TBC1D14: variants seen among roughly 807,000 people sequenced by gnomAD.
TBC1D14 encodes the protein TBC1 domain family member 14.
Under a neutral mutation model 79.0 loss-of-function variants are expected in TBC1D14, and 26 were observed. That is an observed-to-expected ratio of 0.33 (90% CI 0.24 to 0.46). The LOEUF (loss-of-function observed/expected upper bound fraction) is 0.46. TBC1D14 is among the 20% of genes least tolerant of loss of function. The pLI is 1.00. For missense variants in TBC1D14, 769 were observed against 887.6 expected (o/e 0.87, Z 1.70); for synonymous variants, 394 against 349.9 (o/e 1.13, Z -1.40).
chr4:6,921,445 G>A (rs1229448917), intron 1 of TBC1D14, among the ~76,000 whole-genome samples: 1 of 152,076 alleles, frequency 6.6e-6, no homozygotes, highest in African/African-American at 2.4e-5. Context: ...AGGCCGAAGC[G>A]ATCCTCCTGC....
intron 2 of TBC1D14, among the ~76,000 whole-genome samples, chr4:6,944,871 C>T (rs558205403): frequency 3.9e-5 from 6 of 152,302 alleles, no homozygotes; most frequent in African/African-American, 1.2e-4. Flanking sequence ...TCCGGGCATG[C>T]GTGCTCCTCT....
intron 1 of TBC1D14, among the ~76,000 whole-genome samples, chr4:6,912,023 G>T (rs550211028): frequency 3.3e-5 from 5 of 152,148 alleles, no homozygotes; most frequent in Non-Finnish European, 7.4e-5. Context: ...CGGCTCAAGC[G>T]ATTCTCCCGA....
At chr4:6,975,245 T>C (rs1386057239) in intron 3 of TBC1D14, among the ~76,000 whole-genome samples, 1 of 152,126 alleles carries the variant, frequency 6.6e-6, no homozygotes, top group Admixed American at 6.5e-5. Flanking sequence ...GGTCTTGCTC[T>C]GTCCCCCAGG....
intron 13 of TBC1D14, among the ~76,000 whole-genome samples, chr4:7,027,783 A>G (rs963695872): frequency 7.4e-6 from 1 of 134,416 alleles, no homozygotes; most frequent in African/African-American, 2.8e-5. Context: ...ACACATCCAT[A>G]CACAATCACC....
chr4:6,968,124 G>A (rs896025913), intron 3 of TBC1D14, among the ~76,000 whole-genome samples: 4 of 152,116 alleles, frequency 2.6e-5, no homozygotes, highest in African/African-American at 9.7e-5. Context: ...CAAGTGTCGC[G>A]ACATTGCCCC....
chr4:6,996,354 C>T lies in TBC1D14; in HGVS notation c.992C>T (p.Ala331Val), dbSNP rs1719043099. The T allele has an allele frequency of 1.2e-6, 2 of 1,613,688 alleles. No individual in the cohort carries two copies. The highest frequency in any genetic ancestry group is 1.7e-6 in the Non-Finnish European group (2 of 1,179,822). ...ANLPAKPAEEAQKHRQQYEEM... is the reference protein window; with the variant it reads ...ANLPAKPAEEVQKHRQQYEEM... ...CTCCCAGCAAAACCAGCTGAAGAAG[C>T]TCAGAAGCACAGACAGCAGTATGAA... The change falls in exon 5 of 14, where the codon GCT becomes GTT. Residue 331 changes from alanine to valine, a missense_variant. Transcript: ENST00000409757.
rs1022496554 is a variant in TBC1D14, at chr4:7,015,368, T to C, written c.1757+811T>C. Among the ~76,000 whole-genome samples the C allele has an allele frequency of 2.6e-5, 4 of 151,964 alleles. No homozygotes were observed. The East Asian group carries it at 7.8e-4, about 29-fold the overall frequency. ...AATCATGGTCAGCTCTTGACTGCGG[T>C]TGGGGAAGGGGTTTGCTGATGCCTT... On this transcript the variant is annotated intron_variant, in intron 12 of 13. Transcript: ENST00000409757.
chr4:6,996,662 C>T (rs1346865971), intron 5 of TBC1D14, among the ~76,000 whole-genome samples: 6 of 152,216 alleles, frequency 3.9e-5, no homozygotes. Context: ...GGTGAGACCG[C>T]AGGGTTTGCT....
intron 3 of TBC1D14, among the ~76,000 whole-genome samples, chr4:6,982,282 A>C (rs9790586): frequency 0.31 from 47,376 of 152,124 alleles, 7,538 homozygotes; most frequent in Admixed American, 0.35. Context: ...AATATGACTC[A>C]GTAATAAACA....
At chr4:7,007,444 A>G in intron 9 of TBC1D14, 1 of 827,018 alleles carries the variant, frequency 1.2e-6, no homozygotes, top group South Asian at 1.5e-5. Flanking sequence ...TCTTATCTAT[A>G]ACGGGTTTTT....
At chr4:7,019,286 C>T (rs1423300424) in intron 12 of TBC1D14, among the ~76,000 whole-genome samples, 1 of 152,176 alleles carries the variant, frequency 6.6e-6, no homozygotes, top group Non-Finnish European at 1.5e-5. Flanking sequence ...ACCCAAAGTG[C>T]TGGGATTACA....
At position 7,010,761 on chromosome 4, in the gene TBC1D14, T is replaced by G; in HGVS notation, c.1627T>G (p.Phe543Val). 1 of 1,613,936 alleles carries G rather than the reference T, an allele frequency of 6.2e-7. No homozygotes were observed. Among genetic ancestry groups the G allele is most frequent in the Non-Finnish European group, 8.5e-7 (1 of 1,179,926 alleles). ...LLNKPCQMAF[F>V]RVDHGLMLTY... is the part of the protein sequence containing the mutation. ...GAATAAACCCTGTCAAATGGCGTTT[T>G]TTAGAGTGGACCATGGCCTTGTGAG... The change falls in exon 11 of 14, where the codon TTT (phenylalanine) becomes GTT (valine). Residue 543 changes from phenylalanine (F) to valine (V), a missense_variant. This residue lies in a region of TBC1D14 where 367 missense variants were observed against 494.4 expected (regional missense o/e 0.74). Coordinates refer to ENST00000409757, the MANE Select transcript of TBC1D14 (RefSeq NM_020773.3).
intron 2 of TBC1D14, among the ~76,000 whole-genome samples, chr4:6,941,485 A>G (rs1346342568): frequency 6.6e-6 from 1 of 152,172 alleles, no homozygotes; most frequent in Non-Finnish European, 1.5e-5. Flanking sequence ...GCGCCCGGCC[A>G]AAAGCAGCTC....
At chr4:7,005,607 G>A (rs1249074775) in intron 8 of TBC1D14, among the ~76,000 whole-genome samples, 1 of 152,114 alleles carries the variant, frequency 6.6e-6, no homozygotes, top group Non-Finnish European at 1.5e-5. Context: ...GCTGAGGAAG[G>A]AGAATCGCTT....
chr4:6,988,885 C>CTTTTTTTTTTTTTTTTTTTTTTT (rs34268749), intron 3 of TBC1D14, among the ~76,000 whole-genome samples: 18 of 76,808 alleles, frequency 2.3e-4, no homozygotes, highest in East Asian at 3.9e-4. Context: ...TTCTTTCTTT[C>CTTTTTTTTTTTTTTTTTTTTTTT]TTTTTTTTTT....
Position 7,031,104 on chromosome 4 carries a change from C to G in TBC1D14, c.*712C>G, listed in dbSNP as rs749437163. On this transcript the variant is annotated 3_prime_UTR_variant, in exon 14 of 14. Coordinates refer to ENST00000409757, the MANE Select transcript of TBC1D14 (RefSeq NM_020773.3). ...ATCGGTCCTGCGGAGGTGGAAAGTT[C>G]GAGAGGAGGAGCTATTTGCGAGGAA... is the stretch of plus-strand genomic sequence containing the variant. 6.6e-6 allele frequency: 1 copy of G among 152,288 alleles called. No homozygotes were observed. Among genetic ancestry groups the G allele is most frequent in the Non-Finnish European group, 1.5e-5 (1 of 68,112 alleles). The allele number at this position is 152,288 out of a possible 1,614,324, so 9.4% of individuals were successfully genotyped here. A position where few individuals can be genotyped will look rare whatever the true frequency, so the allele number is the denominator to read the frequency against.
intron 2 of TBC1D14, among the ~76,000 whole-genome samples, chr4:6,945,584 A>G (rs575496994): frequency 1.8e-4 from 27 of 152,172 alleles, no homozygotes; most frequent in African/African-American, 5.8e-4. Context: ...CCCCGTCTCT[A>G]CTAAAAATGC....
intron 5 of TBC1D14, among the ~76,000 whole-genome samples, chr4:6,997,485 G>A (rs916202549): frequency 3.3e-5 from 5 of 152,140 alleles, no homozygotes; most frequent in Non-Finnish European, 7.3e-5. Flanking sequence ...AATTAGCCAG[G>A]TGTGGTGGCA....
intron 1 of TBC1D14, among the ~76,000 whole-genome samples, chr4:6,915,565 C>T (rs1162669051): frequency 6.6e-6 from 1 of 152,170 alleles, no homozygotes; most frequent in African/African-American, 2.4e-5. Flanking sequence ...GGGCAGGCTG[C>T]ATGCCTCGGT....
Sources: gnomAD v4.1 joint callset for allele counts (sites outside exome capture counted in the v4.1 genomes callset) on GRCh38, gnomAD v4.1.1 for gene constraint, gnomAD v4.1.1 regional missense constraint, MANE v1.5 for transcripts, NCBI Gene and HGNC (gene_info 2026-07-23, HGNC 2026-07-21) for gene names.